The following DRAXIN variants were observed in gnomAD, a reference collection of about 807,000 sequenced individuals.
The protein encoded by DRAXIN is dorsal repulsive axon guidance protein.
DRAXIN carries 27 observed loss-of-function variants against 33.9 expected under a neutral mutation model. That is an observed-to-expected ratio of 0.80 (90% CI 0.59 to 1.10). DRAXIN has a LOEUF of 1.10. DRAXIN is among the 50% of genes least tolerant of loss of function. DRAXIN has a pLI of 0.00. For synonymous variants in DRAXIN, 178 were observed against 194.0 expected, an observed-to-expected ratio of 0.92 and a Z score of 0.69; for missense variants, 371 against 460.8, an observed-to-expected ratio of 0.81 and a Z score of 1.78.
rs1641443116 is a variant in DRAXIN, at chr1:11,709,429, G to A, written c.606G>A (p.Glu202=). 6.2e-7 allele frequency: 1 copy of A among 1,614,040 alleles called. No individual in the cohort carries two copies. Among genetic ancestry groups the A allele is most frequent in the Non-Finnish European group, 8.5e-7 (1 of 1,179,978 alleles). The change falls in exon 3 of 7, where the codon GAG becomes GAA. Residue 202 remains glutamate, a synonymous_variant. Coordinates refer to ENST00000294485, the MANE Select transcript of DRAXIN (RefSeq NM_198545.4). ...TTFEAAPATE[E]SLILPVTSLR... is the part of the protein sequence containing the mutation. ...TTGAGGCAGCACCTGCCACAGAAGAGTCCCTGATCCTGCCCGTCACCTCCC... is the reference window on the plus strand; with the variant it reads ...TTGAGGCAGCACCTGCCACAGAAGAATCCCTGATCCTGCCCGTCACCTCCC...
chr1:11,715,097 C>T (rs534805512), intron 5 of DRAXIN, 22 bp from the exon 6 acceptor site: 26 of 1,613,742 alleles, frequency 1.6e-5, no homozygotes, highest in South Asian at 1.1e-4. Flanking sequence ...TGGCTGACTG[C>T]GTGTGCTCTC....
At chr1:11,691,060 T>C (rs936873174), upstream of DRAXIN, among the ~76,000 whole-genome samples, 2 of 152,172 alleles carry the variant, frequency 1.3e-5, no homozygotes, top group African/African-American at 4.8e-5. Flanking sequence ...AGACCCTTTG[T>C]ACCCCTACAT....
intron 6 of DRAXIN, among the ~76,000 whole-genome samples, chr1:11,718,884 ATTTGTTTGTTTGTTTG>A (rs373195409): frequency 1.3e-5 from 2 of 151,670 alleles, no homozygotes; most frequent in African/African-American, 2.4e-5. Flanking sequence ...CATGTGGTAG[ATTTGTTTGTTTGTTTG>A]TTTGTTTGTT....
In DRAXIN at chr1:11,721,808, A is replaced by C. The variant is rs1007713510; in HGVS notation, c.*2112A>C. On this transcript the variant is annotated 3_prime_UTR_variant, in exon 7 of 7. Transcript: ENST00000294485. Reference sequence around the variant, plus strand: ...GAGACCAGCCTGGCCAACATGGCAAAACCCGGTCTCTACCAAATATACAAA... The same window carrying C: ...GAGACCAGCCTGGCCAACATGGCAACACCCGGTCTCTACCAAATATACAAA... 2.0e-5 allele frequency: 3 copies of C among 152,084 alleles called. No homozygotes were observed. The highest frequency in any genetic ancestry group is 1.3e-4 in the Admixed American group (2 of 15,242). The allele number at this position is 152,084 out of a possible 1,614,324, so 9.4% of individuals were successfully genotyped here.
At chr1:11,713,731 G>A (rs1322589891) in intron 5 of DRAXIN, among the ~76,000 whole-genome samples, 1 of 152,082 alleles carries the variant, frequency 6.6e-6, no homozygotes. Flanking sequence ...TCCAAAAATA[G>A]TAATAATTTA....
chr1:11,714,963 G>A (rs1980485), intron 5 of DRAXIN, among the ~76,000 whole-genome samples, 156 bp from the exon 6 acceptor site: 1 of 152,248 alleles, frequency 6.6e-6, no homozygotes, highest in Non-Finnish European at 1.5e-5. Flanking sequence ...ATCTCCCTGT[G>A]GTTCCACTCA....
intron 1 of DRAXIN, among the ~76,000 whole-genome samples, chr1:11,699,139 C>G (rs562386817): frequency 1.3e-5 from 2 of 152,336 alleles, no homozygotes; most frequent in East Asian, 3.9e-4. Context: ...AATTCTCAGG[C>G]TCCCTTGGCA....
At chr1:11,700,944 TC>T (rs1257849371) in intron 1 of DRAXIN, among the ~76,000 whole-genome samples, 3 of 151,872 alleles carry the variant, frequency 2.0e-5, no homozygotes, top group Non-Finnish European at 2.9e-5. Flanking sequence ...CGGGGCAGGA[TC>T]CCCCGAGTCT....
Position 11,692,582 on chromosome 1 carries a change from G to C in DRAXIN, c.-11+729G>C, listed in dbSNP as rs1313542837. 6.6e-6 allele frequency among the ~76,000 whole-genome samples: 1 copy of C among 152,202 alleles called. No homozygotes were observed. ...CGTCCGCTCGTCAAGGGTCTCAGCCGCCTTCGGGGCCGGGGTATGAGATGA... is the reference window on the plus strand; with the variant it reads ...CGTCCGCTCGTCAAGGGTCTCAGCCCCCTTCGGGGCCGGGGTATGAGATGA... On this transcript the variant is annotated intron_variant, in intron 1 of 6. Transcript: ENST00000294485. This position sits in a 1 kb window ranked among gnomAD's most constrained non-coding sequence, Gnocchi z 5.8.
At chr1:11,689,837 C>T (rs963800815), upstream of DRAXIN, among the ~76,000 whole-genome samples, 1 of 152,022 alleles carries the variant, frequency 6.6e-6, no homozygotes, top group Non-Finnish European at 1.5e-5. Context: ...GTCAGGACCC[C>T]TTTCCTGTAA....
chr1:11,698,340 T>A (rs748043035), intron 1 of DRAXIN, among the ~76,000 whole-genome samples: 2 of 152,050 alleles, frequency 1.3e-5, no homozygotes, highest in Non-Finnish European at 1.5e-5. Context: ...GCCCTAGGGG[T>A]GTCAGCTCCA....
Position 11,706,861 on chromosome 1 carries a change from G to A in DRAXIN, c.451+152G>A. The A allele has an allele frequency of 1.2e-6, 1 of 842,950 alleles. No homozygotes were observed. Among genetic ancestry groups the A allele is most frequent in the Non-Finnish European group, 1.8e-6 (1 of 563,038 alleles). 52.2% of individuals were successfully genotyped at this position (842,950 alleles called of 1,614,324 possible). Reference sequence around the variant, plus strand: ...CAGAGGGACCTGGTAAGGGGAGGAGGCTGGGAGAGGCCTGGGGTTGGGGCA... The same window carrying A: ...CAGAGGGACCTGGTAAGGGGAGGAGACTGGGAGAGGCCTGGGGTTGGGGCA... On this transcript the variant is annotated intron_variant, in intron 2 of 6. Coordinates refer to ENST00000294485, the MANE Select transcript of DRAXIN (RefSeq NM_198545.4). The surrounding 1 kb of genome is among the most constrained non-coding windows in gnomAD (Gnocchi z 5.5).
rs549338713 is a variant in DRAXIN at position 11,719,061 on chromosome 1, C to CG, written c.938-520dup. Among the ~76,000 whole-genome samples, 597 of 152,114 alleles carry CG rather than the reference C, an allele frequency of 3.9e-3. 4 individuals are homozygous for CG. The highest frequency in any genetic ancestry group is 6.7e-3 in the Non-Finnish European group (457 of 68,006). ...GATTACAGGCACCCACCACCATGCCCGGGTAGTTTTTGTATTTTTTTAAGT... is the reference window on the plus strand; with the variant it reads ...GATTACAGGCACCCACCACCATGCCCGGGGTAGTTTTTGTATTTTTTTAAGT... On this transcript the variant is annotated intron_variant, in intron 6 of 6. Transcript: ENST00000294485.
intron 1 of DRAXIN, among the ~76,000 whole-genome samples, chr1:11,698,995 G>A (rs1367686128): frequency 6.6e-6 from 1 of 152,194 alleles, no homozygotes; most frequent in Admixed American, 6.5e-5. Context: ...GGAGTATCCG[G>A]AAGGGAAGAT....
intron 1 of DRAXIN, among the ~76,000 whole-genome samples, chr1:11,702,818 C>T (rs1342837249): frequency 6.6e-6 from 1 of 151,876 alleles, no homozygotes; most frequent in African/African-American, 2.4e-5. Context: ...TCTTGGCTCA[C>T]TGCAACTTCC....
chr1:11,716,333 C>A (rs929516919), intron 6 of DRAXIN, among the ~76,000 whole-genome samples: 2 of 152,274 alleles, frequency 1.3e-5, no homozygotes, highest in Non-Finnish European at 2.9e-5. Context: ...TTCTAAGCAA[C>A]TCCTGGGAGC....
intron 6 of DRAXIN, among the ~76,000 whole-genome samples, 154 bp from the exon 7 acceptor site, chr1:11,719,430 C>CT (rs1470376910): frequency 6.6e-6 from 1 of 152,188 alleles, no homozygotes; most frequent in African/African-American, 2.4e-5. Flanking sequence ...GGGTTCGTGT[C>CT]TTTTAAGCTC....
rs1641089444 is a variant in DRAXIN, at chr1:11,692,398, C to T, written c.-11+545C>T. ...GGAGGCTGGGGTGTGTGGCCGGGGT[C>T]GCTGAGTGCGCCCGGAACCAGCACC... On this transcript the variant is annotated intron_variant, in intron 1 of 6. Transcript: ENST00000294485. The surrounding 1 kb of genome is among the most constrained non-coding windows in gnomAD (Gnocchi z 5.8). 6.6e-6 allele frequency among the ~76,000 whole-genome samples: 1 copy of T among 152,148 alleles called. No homozygotes were observed. The highest frequency in any genetic ancestry group is 1.5e-5 in the Non-Finnish European group (1 of 68,000).
In DRAXIN at chr1:11,706,194, G is replaced by A; in HGVS notation, c.-10-55G>A. 1 of 1,422,872 alleles carries A rather than the reference G, an allele frequency of 7.0e-7. No homozygotes were observed. Among genetic ancestry groups the A allele is most frequent in the Non-Finnish European group, 9.3e-7 (1 of 1,072,800 alleles). 88.1% of individuals were successfully genotyped at this position (1,422,872 alleles called of 1,614,324 possible). A position where few individuals can be genotyped will look rare whatever the true frequency, so the allele number is the denominator to read the frequency against. ...AACTGGGCTTTAATCATTTGAGTGA[G>A]GGGCAGCAGAGAGAGGCCTGGGGCT... On this transcript the variant is annotated intron_variant, in intron 1 of 6. Coordinates refer to ENST00000294485, the MANE Select transcript of DRAXIN (RefSeq NM_198545.4). The surrounding 1 kb of genome is among the most constrained non-coding windows in gnomAD (Gnocchi z 5.5).
Sources: gnomAD v4.1 joint callset for allele counts (sites outside exome capture counted in the v4.1 genomes callset) on GRCh38, gnomAD v4.1.1 for gene constraint, Gnocchi (gnomAD v3.1) non-coding constraint, MANE v1.5 for transcripts, NCBI Gene and HGNC (gene_info 2026-07-23, HGNC 2026-07-21) for gene names.